FGGY: variants seen among roughly 807,000 people sequenced by gnomAD.
The protein encoded by FGGY is FGGY carbohydrate kinase domain containing.
FGGY carries 72 observed loss-of-function variants against 71.3 expected under a neutral mutation model. The ratio of observed to expected loss-of-function variants is 1.01; its 90% CI spans 0.84 to 1.23. FGGY has a LOEUF of 1.23. Ranked by LOEUF, FGGY falls within the 50% of genes most tolerant of loss-of-function variation. The pLI is 0.00. For missense variants in FGGY, 668 were observed against 682.3 expected (o/e 0.98, Z 0.23); for synonymous variants, 251 against 250.3 (o/e 1.00, Z -0.02).
intron 8 of FGGY, among the ~76,000 whole-genome samples, chr1:59,568,556 G>C (rs576259075): frequency 1.3e-5 from 2 of 152,208 alleles, no homozygotes; most frequent in South Asian, 4.1e-4. Flanking sequence ...AAGAGGTAGA[G>C]CTGAGGTTGA....
intron 10 of FGGY, among the ~76,000 whole-genome samples, chr1:59,637,190 C>G (rs984272018): frequency 5.9e-5 from 9 of 152,106 alleles, no homozygotes; most frequent in Admixed American, 5.9e-4. Context: ...CCCATTTTAC[C>G]GAGCTAGGAG....
intron 4 of FGGY, among the ~76,000 whole-genome samples, chr1:59,351,654 A>G (rs1332274070): frequency 6.6e-6 from 1 of 152,190 alleles, no homozygotes; most frequent in Non-Finnish European, 1.5e-5. Flanking sequence ...TAACTCAATA[A>G]GGGGCTGTTA....
At chr1:59,303,626 A>AT (rs1376575210) in intron 1 of FGGY, among the ~76,000 whole-genome samples, 1 of 152,166 alleles carries the variant, frequency 6.6e-6, no homozygotes, top group Non-Finnish European at 1.5e-5. Flanking sequence ...CAGAAGTAAG[A>AT]TTACTATATC....
chr1:59,522,499 A>G (rs1013899550), intron 7 of FGGY, among the ~76,000 whole-genome samples: 1 of 152,206 alleles, frequency 6.6e-6, no homozygotes. Flanking sequence ...ATCATGGGGA[A>G]TAAGGCCAGG....
chr1:59,450,365 A>T (rs556602752), intron 5 of FGGY, among the ~76,000 whole-genome samples: 2 of 147,892 alleles, frequency 1.4e-5, no homozygotes, highest in East Asian at 1.9e-4. Context: ...TTTAAATTCA[A>T]TTTTTTTAAA....
chr1:59,646,278 G>A (rs548377549), intron 11 of FGGY, among the ~76,000 whole-genome samples: 102 of 152,236 alleles, frequency 6.7e-4, no homozygotes, highest in Non-Finnish European at 1.1e-3. Flanking sequence ...ATATGAGTTT[G>A]TGGATGTTTT....
chr1:59,301,638 G>A (rs997507425), intron 1 of FGGY, among the ~76,000 whole-genome samples: 11 of 150,368 alleles, frequency 7.3e-5, no homozygotes, highest in South Asian at 4.2e-4. Context: ...CTACTTTACT[G>A]AGAATTTTTT....
chr1:59,723,074 GACA>G (rs971467089), intron 14 of FGGY, among the ~76,000 whole-genome samples: 3 of 152,146 alleles, frequency 2.0e-5, no homozygotes, highest in Non-Finnish European at 2.9e-5. Flanking sequence ...TGGGATTACA[GACA>G]TGAGCCACTG....
At chr1:59,394,371 T>C (rs1360779267) in intron 5 of FGGY, among the ~76,000 whole-genome samples, 1 of 152,214 alleles carries the variant, frequency 6.6e-6, no homozygotes, top group African/African-American at 2.4e-5. Context: ...GAGAGCATCC[T>C]TCATGGAGGA....
chr1:59,410,148 G>A (rs964178658), intron 5 of FGGY, among the ~76,000 whole-genome samples: 1 of 152,192 alleles, frequency 6.6e-6, no homozygotes, highest in African/African-American at 2.4e-5. Context: ...TTCATGCTCT[G>A]TTGCAATCTC....
chr1:59,505,307 G>T lies in FGGY; in HGVS notation c.671-7004G>T, dbSNP rs139775950. On this transcript the variant is annotated intron_variant, in intron 6 of 15. Transcript: ENST00000303721. ...GTTCCTTAATGCATTTTTAGCATTA[G>T]AACAGTGCTTGGCTCGTATCAGGTA... 1.6e-3 allele frequency among the ~76,000 whole-genome samples: 238 copies of T among 152,334 alleles called. 1 individual carries two copies. Among genetic ancestry groups the T allele is most frequent in the African/African-American group, 5.5e-3 (230 of 41,568 alleles).
At chr1:59,664,290 G>GT (rs2097303871) in intron 12 of FGGY, among the ~76,000 whole-genome samples, 2 of 152,184 alleles carry the variant, frequency 1.3e-5, no homozygotes, top group South Asian at 4.1e-4. Context: ...TTTCAGTAGG[G>GT]TGGAGTATTA....
At chr1:59,399,686 CATATA>C (rs1178451988) in intron 5 of FGGY, among the ~76,000 whole-genome samples, 4 of 152,102 alleles carry the variant, frequency 2.6e-5, no homozygotes, top group Admixed American at 6.5e-5. Flanking sequence ...TAGAGCTTTC[CATATA>C]ATATAATTTT....
intron 4 of FGGY, among the ~76,000 whole-genome samples, chr1:59,359,237 G>A (rs1460520416): frequency 6.6e-6 from 1 of 152,074 alleles, no homozygotes; most frequent in African/African-American, 2.4e-5. Context: ...ATTAGAGAAA[G>A]CAACTTCTGA....
chr1:59,684,144 G>A (rs2097526709), intron 14 of FGGY, among the ~76,000 whole-genome samples: 1 of 152,224 alleles, frequency 6.6e-6, no homozygotes, highest in Non-Finnish European at 1.5e-5. Flanking sequence ...TAGACACAAT[G>A]TCGGTACCCA....
At chr1:59,547,022 G>A (rs1272400786) in intron 7 of FGGY, among the ~76,000 whole-genome samples, 3 of 143,906 alleles carry the variant, frequency 2.1e-5, no homozygotes, top group Non-Finnish European at 4.5e-5. Flanking sequence ...GCGCGATCTC[G>A]ATTCACTGCA....
At chr1:59,731,876 G>A (rs1236011634) in intron 14 of FGGY, among the ~76,000 whole-genome samples, 2 of 152,066 alleles carry the variant, frequency 1.3e-5, no homozygotes, top group African/African-American at 2.4e-5. Context: ...TCTTCCCAAT[G>A]CCCTGTTTAT....
intron 5 of FGGY, among the ~76,000 whole-genome samples, chr1:59,417,942 G>A (rs2064755786): frequency 6.6e-6 from 1 of 152,162 alleles, no homozygotes; most frequent in South Asian, 2.1e-4. Flanking sequence ...TTGGACAGTT[G>A]CAGATAAAGA....
At chr1:59,299,889 A>G (rs2042497898) in intron 1 of FGGY, among the ~76,000 whole-genome samples, 1 of 152,210 alleles carries the variant, frequency 6.6e-6, no homozygotes. Context: ...GTGGAGAATG[A>G]GCAGGTAATC....
Sources: gnomAD v4.1 joint callset for allele counts (sites outside exome capture counted in the v4.1 genomes callset) on GRCh38, gnomAD v4.1.1 for gene constraint, MANE v1.5 for transcripts, NCBI Gene and HGNC (gene_info 2026-07-23, HGNC 2026-07-21) for gene names.